Variants in CADPS observed in about 807,000 individuals in gnomAD.
The protein encoded by CADPS is calcium dependent secretion activator, also known as calcium-dependent secretion activator 1.
A neutral mutation model predicts 167.3 loss-of-function variants in CADPS; 57 were observed. The ratio of observed to expected loss-of-function variants is 0.34; its 90% CI spans 0.28 to 0.42. The LOEUF (loss-of-function observed/expected upper bound fraction) is 0.42, where lower values mean the gene tolerates loss of function less well. Ranked by LOEUF, CADPS falls within the 20% of genes least tolerant of loss-of-function variation. The pLI, the probability that CADPS is intolerant of heterozygous loss-of-function variation, is 1.00. For missense variants in CADPS, 1,414 were observed against 1,738.1 expected (o/e 0.81, Z 3.32); for synonymous variants, 676 against 635.3 (o/e 1.06, Z -0.96).
intron 26 of CADPS, among the ~76,000 whole-genome samples, chr3:62,460,409 C>T (rs2059196470): frequency 6.6e-6 from 1 of 152,180 alleles, no homozygotes; most frequent in Non-Finnish European, 1.5e-5. Flanking sequence ...TGAACCAAAA[C>T]CTCTGTCTGC....
chr3:62,548,790 T>C (rs2076891258), intron 11 of CADPS, among the ~76,000 whole-genome samples: 1 of 152,250 alleles, frequency 6.6e-6, no homozygotes, highest in African/African-American at 2.4e-5. Context: ...TGGGGCTGAC[T>C]ACCTATCCTT....
rs77069381 is a variant in CADPS, at chr3:62,619,204, G to T, written c.1326-26456C>A. On this transcript the variant is annotated intron_variant, in intron 6 of 29. Coordinates refer to ENST00000383710, the MANE Select transcript of CADPS (RefSeq NM_003716.4). The stretch of plus-strand genomic sequence containing the variant: ...TTATAGAAAAGTCTGGTGACTACTG[G>T]TCTAATTTGTTTCCCTACAGTGGTA... Among the ~76,000 whole-genome samples the T allele has an allele frequency of 1.4e-4, 22 of 152,258 alleles. No individual in the cohort carries two copies. The East Asian group carries it at 4.3e-3, about 29-fold the overall frequency.
rs1018977665 is a variant in CADPS, at chr3:62,446,072, G to C, written c.3637-275C>G. On this transcript the variant is annotated intron_variant, in intron 26 of 29. Coordinates refer to ENST00000383710, the MANE Select transcript of CADPS (RefSeq NM_003716.4). This position sits in a 1 kb window ranked among gnomAD's most constrained non-coding sequence, Gnocchi z 4.9. Reference sequence around the variant, plus strand: ...TTTTCCTCCCTCCCTCTGAAAAAAAGTAAAGTGACTAGCTAAACCCACATG... The same window carrying C: ...TTTTCCTCCCTCCCTCTGAAAAAAACTAAAGTGACTAGCTAAACCCACATG... Among the ~76,000 whole-genome samples, 1 of 152,208 alleles carries C rather than the reference G, an allele frequency of 6.6e-6. No homozygotes were observed. The highest frequency in any genetic ancestry group is 1.5e-5 in the Non-Finnish European group (1 of 68,038).
At chr3:62,610,755 C>G (rs967881969) in intron 6 of CADPS, among the ~76,000 whole-genome samples, 1 of 152,110 alleles carries the variant, frequency 6.6e-6, no homozygotes, top group African/African-American at 2.4e-5. Flanking sequence ...TGGCTCTCCC[C>G]TGTCTCACTA....
At chr3:62,684,074 T>G (rs2151096734) in intron 3 of CADPS, among the ~76,000 whole-genome samples, 1 of 152,148 alleles carries the variant, frequency 6.6e-6, no homozygotes, top group Admixed American at 6.5e-5. Flanking sequence ...GAGTCCAAAC[T>G]TACAGGGCAA....
intron 24 of CADPS, 56 bp from the exon 25 acceptor site, chr3:62,466,469 C>T (rs1376736949): frequency 5.3e-6 from 6 of 1,124,788 alleles, no homozygotes; most frequent in South Asian, 1.3e-5. Flanking sequence ...GCACTGCATC[C>T]GTCAGTAATT....
rs2068579262 is a variant in CADPS, at chr3:62,514,691, T to C, written c.2581+1368A>G. ...TTACCAAAAGACTAGTAGTAATAGC[T>C]AGACCAAGACCTATGAGGCAGCAGC... is the stretch of plus-strand genomic sequence containing the variant. On this transcript the variant is annotated intron_variant, in intron 16 of 29. Transcript: ENST00000383710. The surrounding 1 kb of genome is among the most constrained non-coding windows in gnomAD (Gnocchi z 4.2). Among the ~76,000 whole-genome samples the C allele has an allele frequency of 6.6e-6, 1 of 152,118 alleles. No homozygotes were observed. The highest frequency in any genetic ancestry group is 1.5e-5 in the Non-Finnish European group (1 of 67,984).
intron 8 of CADPS, among the ~76,000 whole-genome samples, chr3:62,576,402 G>A (rs1236497640): frequency 6.6e-6 from 1 of 152,096 alleles, no homozygotes; most frequent in African/African-American, 2.4e-5. Flanking sequence ...ACTCATGGGG[G>A]TGATATGTGT....
intron 13 of CADPS, among the ~76,000 whole-genome samples, chr3:62,522,562 GC>G (rs1288394361): frequency 6.6e-6 from 1 of 151,970 alleles, no homozygotes; most frequent in African/African-American, 2.4e-5. Context: ...CGTCTTTGAG[GC>G]CCCCAGCATC....
chr3:62,638,089 ATATATG>A (rs746822041), intron 6 of CADPS, among the ~76,000 whole-genome samples: 2,429 of 14,994 alleles, frequency 0.16, 55 homozygotes, highest in South Asian at 0.5. Context: ...ATATATATAT[ATATATG>A]TATATATATA....
chr3:62,403,116 T>C lies in CADPS; in HGVS notation c.3847A>G (p.Ile1283Val), dbSNP rs773193357. The part of the protein sequence containing the change: ...LTDRMDLQLH[I>V]YQLKTLIRMV... ...CTAATTAGTGTTTTCAACTGATAAATATGAAGCTGTAAGTCCATCCGGTCC... is the reference window on the plus strand; with the variant it reads ...CTAATTAGTGTTTTCAACTGATAAACATGAAGCTGTAAGTCCATCCGGTCC... The change falls in exon 29 of 30, where the codon ATT becomes GTT. Residue 1283 changes from isoleucine to valine, a missense_variant. This residue lies in a region of CADPS where 185 missense variants were observed against 251.5 expected (regional missense o/e 0.74). Coordinates refer to ENST00000383710, the MANE Select transcript of CADPS (RefSeq NM_003716.4). 11 of 1,612,300 alleles carry C rather than the reference T, an allele frequency of 6.8e-6. No homozygotes were observed. In the South Asian group the frequency reaches 9.9e-5, roughly 14 times the overall value.
chr3:62,588,061 C>A (rs2085045026), intron 7 of CADPS, among the ~76,000 whole-genome samples: 1 of 152,182 alleles, frequency 6.6e-6, no homozygotes, highest in South Asian at 2.1e-4. Context: ...GCCGCCACGA[C>A]CCACCCCCTG....
At chr3:62,479,014 G>C (rs1364620776) in intron 22 of CADPS, among the ~76,000 whole-genome samples, 1 of 152,192 alleles carries the variant, frequency 6.6e-6, no homozygotes. Context: ...TTCTAGTTCA[G>C]TTTGGTTACT....
intron 1 of CADPS, among the ~76,000 whole-genome samples, chr3:62,804,688 T>A (rs566057943): frequency 9.0e-4 from 137 of 152,246 alleles, no homozygotes; most frequent in African/African-American, 3.2e-3. Context: ...GCCTTGCAAA[T>A]CTATAGCACG....
chr3:62,609,959 C>G, intron 6 of CADPS, among the ~76,000 whole-genome samples: 1 of 151,852 alleles, frequency 6.6e-6, no homozygotes, highest in African/African-American at 2.4e-5. Context: ...AGTGGTGGTC[C>G]GTGCCTATAG....
chr3:62,571,715 C>T (rs1321925292), intron 8 of CADPS, among the ~76,000 whole-genome samples: 2 of 152,014 alleles, frequency 1.3e-5, no homozygotes, highest in Non-Finnish European at 2.9e-5. Flanking sequence ...CAAGCATGCG[C>T]CACCATGCTT....
chr3:62,743,615 A>T (rs1238208219), intron 3 of CADPS, among the ~76,000 whole-genome samples: 1 of 152,226 alleles, frequency 6.6e-6, no homozygotes, highest in African/African-American at 2.4e-5. Flanking sequence ...ATGACAAGAT[A>T]AGAAAAACAA....
At chr3:62,630,599 C>T (rs761195547) in intron 6 of CADPS, among the ~76,000 whole-genome samples, 110 of 152,142 alleles carry the variant, frequency 7.2e-4, no homozygotes, top group Admixed American at 3.9e-4. Context: ...AAGCGACCCA[C>T]ACACCTGGAC....
intron 22 of CADPS, among the ~76,000 whole-genome samples, chr3:62,479,086 C>T (rs913148608): frequency 3.3e-5 from 5 of 152,124 alleles, no homozygotes; most frequent in African/African-American, 7.2e-5. Flanking sequence ...TGAGGTGAGT[C>T]GAGACAGTGG....
Sources: gnomAD v4.1 joint callset for allele counts (sites outside exome capture counted in the v4.1 genomes callset) on GRCh38, gnomAD v4.1.1 for gene constraint, gnomAD v4.1.1 regional missense constraint, Gnocchi (gnomAD v3.1) non-coding constraint, MANE v1.5 for transcripts, NCBI Gene and HGNC (gene_info 2026-07-23, HGNC 2026-07-21) for gene names.